CCDC171: variants seen among roughly 807,000 people sequenced by gnomAD.
CCDC171 encodes the protein coiled-coil domain-containing protein 171.
Under a neutral mutation model 168.2 loss-of-function variants are expected in CCDC171, and 177 were observed. The observed-to-expected ratio is 1.05, with a 90% CI of 0.93 to 1.19. The LOEUF (loss-of-function observed/expected upper bound fraction) is 1.19. Ranked by LOEUF, CCDC171 falls within the 50% of genes most tolerant of loss-of-function variation. The pLI is 0.00. For synonymous variants in CCDC171, 687 were observed against 540.8 expected (o/e 1.27, Z -3.75); for missense variants, 1,991 against 1,539.0 (o/e 1.29, Z -4.91).
chr9:15,959,121 G>GACA (rs1444502790), intron 25 of CCDC171, among the ~76,000 whole-genome samples: 2 of 152,112 alleles, frequency 1.3e-5, no homozygotes, highest in Non-Finnish European at 2.9e-5. Flanking sequence ...GAGATGCAGG[G>GACA]ACAAACATGC....
intron 3 of CCDC171, among the ~76,000 whole-genome samples, chr9:15,574,353 C>T (rs1338845340): frequency 2.6e-5 from 4 of 151,888 alleles, no homozygotes; most frequent in Non-Finnish European, 5.9e-5. Context: ...CCATCTTGGC[C>T]AGGCTGGTCT....
At chr9:15,965,737 T>G (rs1830729514) in intron 25 of CCDC171, among the ~76,000 whole-genome samples, 1 of 152,182 alleles carries the variant, frequency 6.6e-6, no homozygotes, top group Non-Finnish European at 1.5e-5. Context: ...CATTTAATCC[T>G]CCTAACAGCC....
Position 15,925,780 on chromosome 9 carries a change from C to T in CCDC171, c.3753+5358C>T, listed in dbSNP as rs78550054. 6.2e-3 allele frequency among the ~76,000 whole-genome samples: 946 copies of T among 151,708 alleles called. 11 individuals carry two copies. Among genetic ancestry groups the T allele is most frequent in the African/African-American group, 0.022 (912 of 41,472 alleles). On this transcript the variant is annotated intron_variant, in intron 25 of 25. Coordinates refer to ENST00000380701, the MANE Select transcript of CCDC171 (RefSeq NM_173550.4). The stretch of plus-strand genomic sequence containing the variant: ...TAATGTTTTGGAATGTTAATATCCA[C>T]TGACATAGATGGTTTGAGCATCAGG...
chr9:15,955,273 A>G (rs1829674178), intron 25 of CCDC171, among the ~76,000 whole-genome samples: 1 of 152,094 alleles, frequency 6.6e-6, no homozygotes, highest in Admixed American at 6.6e-5. Context: ...TCTGGTCCCA[A>G]AGGGGGGAAA....
intron 24 of CCDC171, among the ~76,000 whole-genome samples, chr9:15,881,993 T>G (rs1818716636): frequency 6.6e-6 from 1 of 152,192 alleles, no homozygotes; most frequent in Non-Finnish European, 1.5e-5. Flanking sequence ...GGTAGTTCTA[T>G]TTTTAGTTTT....
At chr9:15,926,672 A>G (rs998075114) in intron 25 of CCDC171, among the ~76,000 whole-genome samples, 7 of 151,672 alleles carry the variant, frequency 4.6e-5, no homozygotes, top group Non-Finnish European at 1.0e-4. Flanking sequence ...TATTTGTAAT[A>G]AGTAGATGAA....
intron 24 of CCDC171, among the ~76,000 whole-genome samples, chr9:15,897,238 T>A (rs1240738094): frequency 6.6e-6 from 1 of 151,968 alleles, no homozygotes; most frequent in Admixed American, 6.6e-5. Flanking sequence ...TAGCACATTA[T>A]CATTTTACAT....
the CCDC171 span, among the ~76,000 whole-genome samples, chr9:16,082,131 T>A: frequency 6.6e-6 from 1 of 152,170 alleles, no homozygotes; most frequent in African/African-American, 2.4e-5. Flanking sequence ...CATATATGAC[T>A]AAAACAGAAA....
chr9:16,034,069 C>T (rs751146064), intron 6 of CCDC171, among the ~76,000 whole-genome samples: 18 of 152,226 alleles, frequency 1.2e-4, no homozygotes, highest in Non-Finnish European at 2.1e-4. Context: ...TCATATCTTA[C>T]ATATTTTCAG....
intron 7 of CCDC171, among the ~76,000 whole-genome samples, chr9:15,649,809 A>T (rs966215671): frequency 6.6e-6 from 1 of 152,222 alleles, no homozygotes; most frequent in Non-Finnish European, 1.5e-5. Flanking sequence ...AAGGACTGTA[A>T]ACTAATTTAA....
At chr9:16,045,909 C>A (rs1193812144) in intron 1 of CCDC171, among the ~76,000 whole-genome samples, 2 of 152,198 alleles carry the variant, frequency 1.3e-5, no homozygotes, top group Non-Finnish European at 2.9e-5. Flanking sequence ...GGGATATACA[C>A]ATTCTCAGAG....
chr9:15,674,460 G>T lies in CCDC171; in HGVS notation c.1077-4298G>T, dbSNP rs899843371. On this transcript the variant is annotated intron_variant, in intron 9 of 25. Transcript: ENST00000380701. ...TCTTTAATTGTGATGTTAGGGTGTC[G>T]ATTGTAGATCTTTCTTGCTTTCTCT... 2.0e-5 allele frequency among the ~76,000 whole-genome samples: 3 copies of T among 151,918 alleles called. No homozygotes were observed. The East Asian group carries it at 5.8e-4, about 29-fold the overall frequency.
intron 25 of CCDC171, among the ~76,000 whole-genome samples, chr9:15,946,011 T>A (rs1424314126): frequency 6.6e-6 from 1 of 151,708 alleles, no homozygotes; most frequent in Non-Finnish European, 1.5e-5. Flanking sequence ...TTTATGGTTT[T>A]AGGTCTATCG....
At chr9:15,617,019 G>C (rs1324665733) in intron 6 of CCDC171, among the ~76,000 whole-genome samples, 2 of 152,194 alleles carry the variant, frequency 1.3e-5, no homozygotes, top group Non-Finnish European at 2.9e-5. Context: ...GAAGGCAAAG[G>C]GGGAGCAGGC....
At chr9:15,596,366 T>A (rs1564011580) in intron 6 of CCDC171, among the ~76,000 whole-genome samples, 1 of 151,750 alleles carries the variant, frequency 6.6e-6, no homozygotes, top group Non-Finnish European at 1.5e-5. Context: ...TACATATGGC[T>A]AGCCAGTTTT....
intron 9 of CCDC171, among the ~76,000 whole-genome samples, chr9:15,677,502 C>A (rs2049669633): frequency 1.3e-5 from 2 of 152,134 alleles, no homozygotes; most frequent in Non-Finnish European, 1.5e-5. Context: ...GCCACCCTGT[C>A]TCCTGCAATA....
intron 21 of CCDC171, among the ~76,000 whole-genome samples, chr9:15,843,205 A>T (rs368014879): frequency 6.6e-6 from 1 of 152,058 alleles, no homozygotes; most frequent in Non-Finnish European, 1.5e-5. Context: ...TGCAATAAAG[A>T]TATTATATAA....
intron 25 of CCDC171, among the ~76,000 whole-genome samples, chr9:15,926,114 T>C (rs1589146296): frequency 6.6e-6 from 1 of 151,850 alleles, no homozygotes; most frequent in East Asian, 1.9e-4. Flanking sequence ...ATTCTAACAT[T>C]GTCAGAAGAA....
chr9:15,838,315 T>C (rs1415803508), intron 21 of CCDC171, among the ~76,000 whole-genome samples: 1 of 152,216 alleles, frequency 6.6e-6, no homozygotes, highest in African/African-American at 2.4e-5. Context: ...GAAATCATAT[T>C]AAACCTTGGT....
Sources: allele counts gnomAD v4.1 joint callset (sites outside exome capture counted in the v4.1 genomes callset), GRCh38; gene constraint gnomAD v4.1.1; transcripts MANE v1.5; gene names NCBI Gene and HGNC (gene_info 2026-07-23, HGNC 2026-07-21).